CCDC82: variants seen among roughly 807,000 people sequenced by gnomAD.
CCDC82 encodes the protein coiled-coil domain-containing protein 82.
In CCDC82, 47 loss-of-function variants were observed where a neutral mutation model predicts 60.6. The observed-to-expected ratio is 0.77, with a 90% CI of 0.61 to 0.99. CCDC82 has a LOEUF of 0.99. Ranked by LOEUF, CCDC82 falls within the 50% of genes least tolerant of loss-of-function variation. CCDC82 has a pLI of 0.00. For missense variants in CCDC82, 588 were observed against 633.0 expected, an observed-to-expected ratio of 0.93 and a Z score of 0.76; for synonymous variants, 212 against 207.4, an observed-to-expected ratio of 1.02 and a Z score of -0.19.
At chr11:96,372,549 ATTAG>A (rs770266842) in intron 6 of CCDC82, among the ~76,000 whole-genome samples, 2 of 150,460 alleles carry the variant, frequency 1.3e-5, no homozygotes, top group African/African-American at 2.4e-5. Context: ...TTATTTGGCA[ATTAG>A]TTATTCAACA....
At chr11:96,370,681 C>T (rs1040221539) in intron 7 of CCDC82, among the ~76,000 whole-genome samples, 2 of 152,196 alleles carry the variant, frequency 1.3e-5, no homozygotes, top group Non-Finnish European at 2.9e-5. Flanking sequence ...AACCAGCTTA[C>T]AACCCCTGAT....
At chr11:96,368,072 G>A (rs554481541) in intron 7 of CCDC82, among the ~76,000 whole-genome samples, 7 of 152,000 alleles carry the variant, frequency 4.6e-5, no homozygotes, top group South Asian at 4.2e-4. Flanking sequence ...CCACCACCTC[G>A]GCCACCCAAA....
At position 96,352,846 on chromosome 11, in the gene CCDC82, T is replaced by C. The variant is rs1306434205; in HGVS notation, c.*800A>G. On this transcript the variant is annotated 3_prime_UTR_variant, in exon 10 of 10. Coordinates refer to ENST00000646818, the MANE Select transcript of CCDC82 (RefSeq NM_024725.4). The stretch of plus-strand genomic sequence containing the variant: ...ATGCAAAGCAATGCAGATACCAAAA[T>C]ATGCTTTCCAAGTGTTTTTGGCTGA... The C allele has an allele frequency of 6.6e-6, 1 of 152,228 alleles. No homozygotes were observed. The highest frequency in any genetic ancestry group is 1.5e-5 in the Non-Finnish European group (1 of 68,040). The allele number at this position is 152,228 out of a possible 1,614,324, so 9.4% of individuals were successfully genotyped here. A position where few individuals can be genotyped will look rare whatever the true frequency, so the allele number is the denominator to read the frequency against.
intron 8 of CCDC82, among the ~76,000 whole-genome samples, chr11:96,362,039 C>T (rs1864688156): frequency 1.3e-5 from 2 of 152,104 alleles, no homozygotes; most frequent in African/African-American, 4.8e-5. Context: ...AGTGATCGCA[C>T]ATATGTAAAA....
At chr11:96,355,906 G>C (rs1864322900) in intron 9 of CCDC82, 2 of 152,162 alleles carry the variant, frequency 1.3e-5, no homozygotes, top group South Asian at 4.1e-4. Flanking sequence ...TTGGAATTGT[G>C]GAAATGAAGT....
intron 5 of CCDC82, among the ~76,000 whole-genome samples, chr11:96,373,861 C>T (rs539006262): frequency 1.3e-5 from 2 of 152,250 alleles, no homozygotes; most frequent in African/African-American, 4.8e-5. Context: ...CTGTAAAACG[C>T]GTTACATATG....
chr11:96,378,029 G>C (rs1273430625), intron 5 of CCDC82, among the ~76,000 whole-genome samples: 1 of 151,644 alleles, frequency 6.6e-6, no homozygotes, highest in Non-Finnish European at 1.5e-5. Context: ...CATTTGTTCT[G>C]TATTTCTGCC....
At chr11:96,357,746 AAAGCACTT>A (rs1216102991) in intron 9 of CCDC82, 1 of 985,292 alleles carries the variant, frequency 1.0e-6, no homozygotes, top group East Asian at 1.1e-4. Flanking sequence ...GGCATCAATA[AAAGCACTT>A]AAGAATTTAA....
In CCDC82 at chr11:96,356,095, A is replaced by G. The variant is rs562038181; in HGVS notation, c.1567-2381T>C. ...ACTTTTATCTATTTAAGAATCATCA[A>G]TGCTAAAAATATTGGATGTTTAACA... On this transcript the variant is annotated intron_variant, in intron 9 of 9. Transcript: ENST00000646818. 9 of 152,300 alleles carry G rather than the reference A, an allele frequency of 5.9e-5. No homozygotes were observed. The South Asian group carries it at 1.9e-3, about 32-fold the overall frequency. 9.4% of individuals were successfully genotyped at this position (152,300 alleles called of 1,614,324 possible).
At chr11:96,369,487 T>C (rs1325195402) in intron 7 of CCDC82, among the ~76,000 whole-genome samples, 2 of 152,176 alleles carry the variant, frequency 1.3e-5, no homozygotes, top group Non-Finnish European at 2.9e-5. Flanking sequence ...TCATTACCGT[T>C]GTGTCTTAAG....
In CCDC82 at chr11:96,386,261, T is replaced by C. The variant is rs1391294657; in HGVS notation, c.-22A>G. 6.6e-6 allele frequency: 1 copy of C among 152,562 alleles called. No individual in the cohort carries two copies. Among genetic ancestry groups the C allele is most frequent in the Non-Finnish European group, 1.5e-5 (1 of 68,024 alleles). 9.5% of individuals were successfully genotyped at this position (152,562 alleles called of 1,614,324 possible). A position where few individuals can be genotyped will look rare whatever the true frequency, so the allele number is the denominator to read the frequency against. On this transcript the variant is annotated 5_prime_UTR_variant, in exon 3 of 10. Coordinates refer to ENST00000646818, the MANE Select transcript of CCDC82 (RefSeq NM_024725.4). Reference sequence around the variant, plus strand: ...GAGCAATGGGAATCTTACCGGACTATGTTTCCAGCTTTCCAAGAGGATTAC... The same window carrying C: ...GAGCAATGGGAATCTTACCGGACTACGTTTCCAGCTTTCCAAGAGGATTAC...
At chr11:96,375,475 T>C (rs1380391895) in intron 5 of CCDC82, among the ~76,000 whole-genome samples, 2 of 152,170 alleles carry the variant, frequency 1.3e-5, no homozygotes, top group East Asian at 3.9e-4. Flanking sequence ...TGGTGGGTGG[T>C]GGTGGGTTAA....
At position 96,373,458 on chromosome 11, in the gene CCDC82, C is replaced by G; in HGVS notation, c.1001G>C (p.Ser334Thr). The G allele has an allele frequency of 6.3e-7, 1 of 1,582,374 alleles. No individual in the cohort carries two copies. The highest frequency in any genetic ancestry group is 8.6e-7 in the Non-Finnish European group (1 of 1,157,852). Reference sequence around the variant, plus strand: ...TCTTTCAAAATGAGTATAGTGGTCACTAAAAGAATCTGAAATTAATTTCAA... The same window carrying G: ...TCTTTCAAAATGAGTATAGTGGTCAGTAAAAGAATCTGAAATTAATTTCAA... ...LVKQNSLYSF[S>T]DHYTHFERVV... Residue 334 changes from serine to threonine, a missense_variant, in exon 6 of 10, where the codon AGT (serine) becomes ACT (threonine). Physicochemically the swap from Ser to Thr is moderately conservative, Grantham distance 58. Coordinates refer to ENST00000646818, the MANE Select transcript of CCDC82 (RefSeq NM_024725.4).
intron 9 of CCDC82, chr11:96,358,042 T>C (rs970624322): frequency 1.0e-6 from 1 of 985,288 alleles, no homozygotes; most frequent in African/African-American, 1.7e-5. Context: ...CTCCACTAAA[T>C]ATGACATGTG....
At chr11:96,370,115 C>T (rs1250996226) in intron 7 of CCDC82, among the ~76,000 whole-genome samples, 1 of 152,158 alleles carries the variant, frequency 6.6e-6, no homozygotes, top group Non-Finnish European at 1.5e-5. Context: ...TCTTATAAAC[C>T]TAATCTATGG....
chr11:96,375,168 A>C (rs772605382), intron 5 of CCDC82, among the ~76,000 whole-genome samples: 1 of 152,212 alleles, frequency 6.6e-6, no homozygotes, highest in Non-Finnish European at 1.5e-5. Flanking sequence ...AACAAATCAA[A>C]TTCATCCCAT....
At chr11:96,379,542 T>C (rs1326856769) in intron 5 of CCDC82, among the ~76,000 whole-genome samples, 1 of 151,822 alleles carries the variant, frequency 6.6e-6, no homozygotes. Flanking sequence ...GTTAACTATT[T>C]AGGTTTTGTT....
Position 96,365,112 on chromosome 11 carries a change from C to A in CCDC82, c.1248G>T (p.Leu416Phe). 1.3e-6 allele frequency: 2 copies of A among 1,596,944 alleles called. No individual in the cohort carries two copies. Among genetic ancestry groups the A allele is most frequent in the Non-Finnish European group, 8.5e-7 (1 of 1,171,726 alleles). ...VENYSNVSIH[L>F]KNPENCSCQA... Reference sequence around the variant, plus strand: ...GGCAGGAACAGTTTTCAGGATTCTTCAAATGAATACTTACATTAGAATAAT... The same window carrying A: ...GGCAGGAACAGTTTTCAGGATTCTTAAAATGAATACTTACATTAGAATAAT... Residue 416 changes from leucine to phenylalanine, a missense_variant, in exon 8 of 10, where the codon TTG becomes TTT. Physicochemically the swap from Leu to Phe is conservative, Grantham distance 22. Coordinates refer to ENST00000646818, the MANE Select transcript of CCDC82 (RefSeq NM_024725.4).
chr11:96,371,396 C>G (rs1259396731), intron 6 of CCDC82, among the ~76,000 whole-genome samples: 1 of 152,138 alleles, frequency 6.6e-6, no homozygotes, highest in Non-Finnish European at 1.5e-5. Context: ...TCCTGGCTAA[C>G]ACGGTGAAAC....
Sources: gnomAD v4.1 joint callset for allele counts (sites outside exome capture counted in the v4.1 genomes callset) on GRCh38, gnomAD v4.1.1 for gene constraint, MANE v1.5 for transcripts, NCBI Gene and HGNC (gene_info 2026-07-23, HGNC 2026-07-21) for gene names.